GALNT14: variants seen among roughly 807,000 people sequenced by gnomAD.
GALNT14 encodes the protein polypeptide N-acetylgalactosaminyltransferase 14.
In GALNT14, 60 loss-of-function variants were observed where a neutral mutation model predicts 77.5. The ratio of observed to expected loss-of-function variants is 0.77; its 90% CI spans 0.63 to 0.96. GALNT14 has a LOEUF of 0.96. Among genes scored for constraint, GALNT14 ranks in the 40% least tolerant of loss-of-function variants. GALNT14 has a pLI of 0.00. For missense variants in GALNT14, 710 were observed against 731.0 expected (o/e 0.97, Z 0.33); for synonymous variants, 280 against 281.7 (o/e 0.99, Z 0.06).
chr2:31,120,363 C>T (rs892791891), intron 1 of GALNT14, among the ~76,000 whole-genome samples: 6 of 152,162 alleles, frequency 3.9e-5, no homozygotes, highest in Admixed American at 3.3e-4. Context: ...TTGAAGTTCA[C>T]ATATCCAGAT....
chr2:31,005,205 C>A (rs1014927252), intron 1 of GALNT14, among the ~76,000 whole-genome samples: 8 of 152,284 alleles, frequency 5.3e-5, no homozygotes, highest in Non-Finnish European at 7.4e-5. Flanking sequence ...TCAAGGGATC[C>A]TTTGTTGTTT....
At chr2:31,016,428 G>A (rs1671363600) in intron 1 of GALNT14, among the ~76,000 whole-genome samples, 1 of 152,120 alleles carries the variant, frequency 6.6e-6, no homozygotes, top group Admixed American at 6.5e-5. Flanking sequence ...ACACAATTCA[G>A]GCGATTACAC....
Position 30,955,893 on chromosome 2 carries a change from C to T in GALNT14, c.532+19G>A. 4 of 1,613,626 alleles carry T rather than the reference C, an allele frequency of 2.5e-6. No homozygotes were observed. The highest frequency in any genetic ancestry group is 2.5e-6 in the Non-Finnish European group (3 of 1,179,984). On this transcript the variant is annotated intron_variant, in intron 5 of 14. Coordinates refer to ENST00000349752, the MANE Select transcript of GALNT14 (RefSeq NM_024572.4). The stretch of plus-strand genomic sequence containing the variant: ...CCGACACTCACACTGGAGGCTCCCG[C>T]ACAACAGCTCAGACCTACCTTGCCG...
At chr2:31,054,385 T>A (rs1261746274) in intron 1 of GALNT14, among the ~76,000 whole-genome samples, 1 of 152,224 alleles carries the variant, frequency 6.6e-6, no homozygotes, top group African/African-American at 2.4e-5. Context: ...TTTCCCCAGC[T>A]GCCTGATCTA....
At chr2:30,999,931 A>G (rs1254688855) in intron 1 of GALNT14, among the ~76,000 whole-genome samples, 3 of 152,078 alleles carry the variant, frequency 2.0e-5, no homozygotes, top group African/African-American at 7.2e-5. Context: ...CCATCCTTTC[A>G]TGCTCCTCCC....
At chr2:31,040,409 AC>A (rs1342772092) in intron 1 of GALNT14, among the ~76,000 whole-genome samples, 1 of 152,132 alleles carries the variant, frequency 6.6e-6, no homozygotes, top group African/African-American at 2.4e-5. Context: ...GTGGGAGGAA[AC>A]CAACTCAAGG....
At chr2:30,906,791 T>C (rs976766432), downstream of GALNT14, among the ~76,000 whole-genome samples, 20 of 152,160 alleles carry the variant, frequency 1.3e-4, no homozygotes, top group African/African-American at 2.9e-4. Context: ...TAGTCCAAAA[T>C]TGACCACATA....
chr2:30,935,084 C>A (rs1047953820), intron 9 of GALNT14, among the ~76,000 whole-genome samples: 14 of 152,118 alleles, frequency 9.2e-5, no homozygotes, highest in African/African-American at 3.4e-4. Flanking sequence ...GAAAATGACC[C>A]CTTCATTTAC....
intron 10 of GALNT14, among the ~76,000 whole-genome samples, chr2:30,930,886 C>A (rs1665686152): frequency 6.6e-6 from 1 of 152,242 alleles, no homozygotes; most frequent in Non-Finnish European, 1.5e-5. Context: ...ACGGAATGAC[C>A]TACCAGTGTC....
At chr2:30,942,763 A>T (rs1021586911) in intron 8 of GALNT14, among the ~76,000 whole-genome samples, 2 of 152,138 alleles carry the variant, frequency 1.3e-5, no homozygotes, top group African/African-American at 4.8e-5. Context: ...GTAGCAGCAC[A>T]TCTGTTTCCT....
At chr2:30,966,354 C>A in intron 2 of GALNT14, 52 bp from the exon 3 acceptor site, 3 of 1,381,726 alleles carry the variant, frequency 2.2e-6, no homozygotes, top group African/African-American at 2.8e-5. Context: ...CAAAGCATAT[C>A]TGGAGGGCTA....
chr2:31,063,526 T>C (rs56807379), intron 1 of GALNT14, among the ~76,000 whole-genome samples: 3,169 of 152,356 alleles, frequency 0.021, 93 homozygotes, highest in African/African-American at 0.063. Flanking sequence ...TTGCTTAGGA[T>C]TGATTTGGCT....
intron 7 of GALNT14, 92 bp from the exon 8 acceptor site, chr2:30,945,034 C>G: frequency 8.8e-7 from 1 of 1,139,316 alleles, no homozygotes; most frequent in Non-Finnish European, 1.2e-6. Context: ...GTACCCAGGT[C>G]CTGGAGAGGT....
chr2:31,130,732 CTCTGTG>C (rs1336094936), intron 1 of GALNT14, among the ~76,000 whole-genome samples: 2 of 107,692 alleles, frequency 1.9e-5, no homozygotes, highest in South Asian at 3.5e-4. Context: ...CCCAGGGTAC[CTCTGTG>C]TGTGTGTGTG....
At chr2:31,029,805 A>G (rs576871696) in intron 1 of GALNT14, among the ~76,000 whole-genome samples, 9 of 152,334 alleles carry the variant, frequency 5.9e-5, no homozygotes, top group African/African-American at 1.9e-4. Context: ...GGCAACTTCT[A>G]TCTTGATTGA....
intron 1 of GALNT14, among the ~76,000 whole-genome samples, chr2:31,121,339 C>A (rs1678402829): frequency 6.6e-6 from 1 of 152,176 alleles, no homozygotes; most frequent in Admixed American, 6.5e-5. Context: ...AGAACATACA[C>A]AGCAACGCTC....
intron 1 of GALNT14, among the ~76,000 whole-genome samples, chr2:30,994,973 G>C (rs1669933866): frequency 3.9e-5 from 6 of 152,150 alleles, no homozygotes; most frequent in Admixed American, 3.9e-4. Context: ...ACTGGGGACA[G>C]CTTCTTGAGT....
intron 1 of GALNT14, among the ~76,000 whole-genome samples, chr2:31,124,546 C>T (rs980819389): frequency 1.3e-5 from 2 of 152,102 alleles, no homozygotes. Context: ...TAAAGGTAAT[C>T]GATACACCCT....
At chr2:30,898,725 G>A in the GALNT14 span, among the ~76,000 whole-genome samples, 1 of 152,260 alleles carries the variant, frequency 6.6e-6, no homozygotes, top group Admixed American at 6.5e-5. Flanking sequence ...TTTAATTCAG[G>A]GTAGGAGAGA....
Sources: allele counts gnomAD v4.1 joint callset (sites outside exome capture counted in the v4.1 genomes callset), GRCh38; gene constraint gnomAD v4.1.1; transcripts MANE v1.5; gene names NCBI Gene and HGNC (gene_info 2026-07-23, HGNC 2026-07-21).